The following SPRY3 variants were observed in gnomAD, a reference collection of about 807,000 sequenced individuals.
The protein encoded by SPRY3 is sprouty RTK signaling antagonist 3.
A neutral mutation model predicts 20.2 loss-of-function variants in SPRY3; 15 were observed. The observed-to-expected ratio is 0.74, with a 90% CI of 0.50 to 1.14. SPRY3 has a LOEUF of 1.14. Ranked by LOEUF, SPRY3 falls within the 50% of genes most tolerant of loss-of-function variation. The pLI, the probability that SPRY3 is intolerant of heterozygous loss-of-function variation, is 0.00. For missense variants in SPRY3, 364 were observed against 363.9 expected, an observed-to-expected ratio of 1.00 and a Z score of 0.00; for synonymous variants, 143 against 136.5, an observed-to-expected ratio of 1.05 and a Z score of -0.33.
At chrX:155,745,864 A>G (rs1318149962) in intron 2 of SPRY3, among the ~76,000 whole-genome samples, 1 of 152,044 alleles carries the variant, frequency 6.6e-6, no homozygotes, top group Non-Finnish European at 1.5e-5. Context: ...AGCTTGAGCT[A>G]GCTACAGAGA....
At chrX:155,715,186 G>A (rs2091013680) in intron 2 of SPRY3, among the ~76,000 whole-genome samples, 1 of 152,042 alleles carries the variant, frequency 6.6e-6, no homozygotes, top group Non-Finnish European at 1.5e-5. Context: ...GAATGTGCTG[G>A]GTCTCCCCTG....
intron 2 of SPRY3, among the ~76,000 whole-genome samples, chrX:155,677,641 G>GT (rs753277912): frequency 5.4e-5 from 6 of 111,633 alleles, no homozygotes; most frequent in Admixed American, 9.5e-5. Context: ...CAAAGCTAAT[G>GT]TTTTGACCTC....
At chrX:155,662,957 G>A in intron 2 of SPRY3, among the ~76,000 whole-genome samples, 2 of 111,816 alleles carry the variant, frequency 1.8e-5, no homozygotes, top group Admixed American at 1.9e-4. Context: ...CTTTTGCCAA[G>A]GAGCTGCTTA....
intron 2 of SPRY3, among the ~76,000 whole-genome samples, chrX:155,754,017 T>G (rs1335564117): frequency 6.6e-6 from 1 of 151,962 alleles, no homozygotes; most frequent in Non-Finnish European, 1.5e-5. Context: ...CTGGTAAACA[T>G]TTTCTCCTAT....
chrX:155,774,257 T>C, exon 4 of SPRY3: 1 of 1,614,044 alleles, frequency 6.2e-7, no homozygotes, highest in Non-Finnish European at 8.5e-7. Flanking sequence ...GATGGTGCTC[T>C]GAAGGGAGAA....
Position 155,773,960 on chromosome X carries a change from G to C in SPRY3, c.89G>C (p.Arg30Pro), listed in dbSNP as rs759509489. The change falls in exon 4 of 4, where the codon CGG (arginine) becomes CCG (proline). Residue 30 changes from arginine (R) to proline (P), a missense_variant. By Grantham distance (103) the Arg-to-Pro change is moderately radical (BLOSUM62 -2). Coordinates refer to ENST00000675360, the Ensembl canonical transcript of SPRY3. The stretch of plus-strand genomic sequence containing the variant: ...CATGCTAGCAATGACTACGTGGAAC[G>C]GCCTCCAGCCCCCTGTAAACAGGCC... The C allele has an allele frequency of 8.1e-6, 13 of 1,613,792 alleles. No individual in the cohort carries two copies. In the Admixed American group the frequency reaches 2.2e-4, roughly 27 times the overall value.
chrX:155,635,686 T>C (rs1248330603), intron 1 of SPRY3, among the ~76,000 whole-genome samples: 2 of 111,324 alleles, frequency 1.8e-5, no homozygotes, highest in Non-Finnish European at 3.8e-5. Flanking sequence ...CCAGATAGAA[T>C]GGAGATCATT....
At chrX:155,672,770 G>A (rs1299911703) in intron 2 of SPRY3, among the ~76,000 whole-genome samples, 588 of 84,994 alleles carry the variant, frequency 6.9e-3, no homozygotes, top group East Asian at 0.011. Flanking sequence ...GCACACGTAT[G>A]TTTATTGTGG....
chrX:155,753,396 T>C (rs751828581), intron 2 of SPRY3, among the ~76,000 whole-genome samples: 1 of 151,914 alleles, frequency 6.6e-6, no homozygotes, highest in Admixed American at 6.6e-5. Flanking sequence ...GTTTTCAAGG[T>C]TCATTCATAT....
At chrX:155,759,118 T>C (rs2091294586) in intron 2 of SPRY3, among the ~76,000 whole-genome samples, 3 of 151,554 alleles carry the variant, frequency 2.0e-5, no homozygotes, top group African/African-American at 7.3e-5. Flanking sequence ...TGGAGTGCAG[T>C]GGCACAATCT....
intron 2 of SPRY3, among the ~76,000 whole-genome samples, chrX:155,699,674 C>T (rs1324176813): frequency 9.0e-6 from 1 of 111,087 alleles, no homozygotes. Context: ...CACTTATTGC[C>T]TCTGGGGAAA....
intron 2 of SPRY3, among the ~76,000 whole-genome samples, chrX:155,729,293 G>A (rs1339175892): frequency 2.0e-5 from 3 of 152,036 alleles, no homozygotes; most frequent in Non-Finnish European, 2.9e-5. Flanking sequence ...CATTCTCTAA[G>A]ATAGATTATA....
At chrX:155,747,342 A>G (rs2091232743) in intron 2 of SPRY3, among the ~76,000 whole-genome samples, 1 of 151,922 alleles carries the variant, frequency 6.6e-6, no homozygotes, top group Non-Finnish European at 1.5e-5. Context: ...TTAGCTCTTA[A>G]AATGAGCTAA....
chrX:155,690,303 G>T (rs181112369), intron 2 of SPRY3, among the ~76,000 whole-genome samples: 1 of 88,502 alleles, frequency 1.1e-5, no homozygotes, highest in East Asian at 3.3e-4. Flanking sequence ...ATTGCTTTTG[G>T]GTAGAGAGTT....
chrX:155,718,586 C>T (rs1035284093), intron 2 of SPRY3, among the ~76,000 whole-genome samples: 16 of 151,920 alleles, frequency 1.1e-4, no homozygotes, highest in African/African-American at 3.6e-4. Context: ...CCGGGCATTT[C>T]GAATACAAAA....
chrX:155,723,322 G>A (rs991554842), intron 2 of SPRY3, among the ~76,000 whole-genome samples: 1 of 152,048 alleles, frequency 6.6e-6, no homozygotes, highest in African/African-American at 2.4e-5. Flanking sequence ...TGGGTCAAAT[G>A]GTATTTCTAG....
chrX:155,762,610 G>A (rs752883508), intron 2 of SPRY3, among the ~76,000 whole-genome samples: 1 of 152,204 alleles, frequency 6.6e-6, no homozygotes, highest in East Asian at 1.9e-4. Flanking sequence ...AGAGAAATCA[G>A]GATGAGCAGG....
intron 1 of SPRY3, among the ~76,000 whole-genome samples, chrX:155,618,361 C>A (rs2067860675): frequency 9.0e-6 from 1 of 110,941 alleles, no homozygotes; most frequent in Admixed American, 9.6e-5. Flanking sequence ...ATAGTTGATT[C>A]TTTTTTATTG....
rs986498866 is a variant in SPRY3 at position 155,699,147 on chromosome X, G to A, written c.-282+42122G>A. On this transcript the variant is annotated intron_variant, in intron 2 of 3. Coordinates refer to ENST00000675360, the Ensembl canonical transcript of SPRY3. The stretch of plus-strand genomic sequence containing the variant: ...CTCTCTATTCACAGACAACAACAGT[G>A]TCTCTATAGATAATCCCAAAGAGTC... 7.1e-5 allele frequency among the ~76,000 whole-genome samples: 8 copies of A among 112,005 alleles called. No homozygotes were observed. In the East Asian group the frequency reaches 2.3e-3, roughly 32 times the overall value.
Sources: allele counts gnomAD v4.1 joint callset (sites outside exome capture counted in the v4.1 genomes callset), GRCh38; gene constraint gnomAD v4.1.1; transcripts MANE v1.5; gene names NCBI Gene and HGNC (gene_info 2026-07-23, HGNC 2026-07-21).